UGT2B7: variants seen among roughly 807,000 people sequenced by gnomAD.
UGT2B7 encodes UDP glucuronosyltransferase family 2 member B7, also known as UDP-glucuronosyltransferase 2B7.
A neutral mutation model predicts 51.9 loss-of-function variants in UGT2B7; 51 were observed. The ratio of observed to expected loss-of-function variants is 0.98; its 90% CI spans 0.78 to 1.24. UGT2B7 has a LOEUF of 1.24. Ranked by LOEUF, UGT2B7 falls within the 50% of genes most tolerant of loss-of-function variation. UGT2B7 has a pLI of 0.00. For missense variants in UGT2B7, 727 were observed against 628.4 expected (o/e 1.16, Z -1.68); for synonymous variants, 225 against 211.6 (o/e 1.06, Z -0.55).
chr4:69,088,076 T>G (rs1719001393), intron 1 of UGT2B7, among the ~76,000 whole-genome samples: 1 of 152,020 alleles, frequency 6.6e-6, no homozygotes, highest in South Asian at 2.1e-4. Context: ...GAGGTAGTTT[T>G]CTTAATAATG....
At chr4:69,103,473 C>T (rs1719493065) in intron 3 of UGT2B7, among the ~76,000 whole-genome samples, 2 of 152,104 alleles carry the variant, frequency 1.3e-5, no homozygotes, top group African/African-American at 4.8e-5. Context: ...TTGAGACCCA[C>T]AGTTATTTTT....
rs1210526766 is a variant in UGT2B7, at chr4:69,102,888, G to A, written c.952G>A (p.Glu318Lys). Residue 318 changes from glutamate (E) to lysine (K), a missense_variant, in exon 3 of 6, where the codon GAA (glutamate) becomes AAA (lysine). By Grantham distance (56) the Glu-to-Lys change is moderately conservative. Transcript: ENST00000305231. ...SLGSMVSNMTEERANVIASAL... is the reference protein window; with the variant it reads ...SLGSMVSNMTKERANVIASAL... ...GGGGTCAATGGTCAGTAACATGACA[G>A]AAGAAAGGGCCAACGTAATTGCATC... The A allele has an allele frequency of 6.2e-7, 1 of 1,613,674 alleles. No homozygotes were observed. The highest frequency in any genetic ancestry group is 1.7e-5 in the Admixed American group (1 of 59,974).
chr4:69,112,414 T>A, intron 5 of UGT2B7, 43 bp from the exon 6 acceptor site: 1 of 1,588,810 alleles, frequency 6.3e-7, no homozygotes, highest in Non-Finnish European at 8.6e-7. Context: ...GTTTTGTCTG[T>A]AACTCTTCCT....
intron 3 of UGT2B7, among the ~76,000 whole-genome samples, chr4:69,104,994 C>A (rs892776947): frequency 9.2e-5 from 14 of 152,100 alleles, no homozygotes; most frequent in Admixed American, 6.6e-5. Flanking sequence ...TCCCAAGTAC[C>A]CACATAGCCA....
Position 69,051,972 on chromosome 4 carries a change from G to A in UGT2B7, c.-159+370G>A, listed in dbSNP as rs144323043. On this transcript the variant is annotated intron_variant, in intron 1 of 5. Coordinates refer to the UGT2B7 transcript ENST00000502942. ...TTGTTTTGTGGTGTGTGTGTGGTGT[G>A]AGCGTGGTGTTTTGCCTCGAAAAAA... 9.5e-4 allele frequency among the ~76,000 whole-genome samples: 145 copies of A among 152,284 alleles called. 1 individual carries two copies. The highest frequency in any genetic ancestry group is 3.3e-3 in the African/African-American group (139 of 41,548).
rs769691353 is a variant in UGT2B7 at position 69,096,759 on chromosome 4, CT to C, written c.242del (p.Leu81Ter). On this transcript the variant is annotated frameshift_variant, in exon 1 of 6. Coordinates refer to ENST00000305231, the MANE Select transcript of UGT2B7 (RefSeq NM_001074.4). LOFTEE classifies it high-confidence loss of function. ...SALKIEIYPT[S>X]LTKTELENFI... is the part of the protein sequence containing the mutation. ...CTTAAAATTGAAATTTATCCCACAT[CT>C]TTAACTAAAACTGAGTTGGAGAATT... 1 of 1,613,972 alleles carries C rather than the reference CT, an allele frequency of 6.2e-7. No homozygotes were observed. The highest frequency in any genetic ancestry group is 1.1e-5 in the South Asian group (1 of 91,086).
At chr4:69,072,747 T>G (rs1183165033) in intron 1 of UGT2B7, among the ~76,000 whole-genome samples, 1 of 152,150 alleles carries the variant, frequency 6.6e-6, no homozygotes, top group South Asian at 2.1e-4. Flanking sequence ...TGATGAAGCT[T>G]AACATTCAAC....
chr4:69,098,461 A>G, intron 1 of UGT2B7, 79 bp from the exon 2 acceptor site: 2 of 1,529,660 alleles, frequency 1.3e-6, no homozygotes, highest in Non-Finnish European at 1.8e-6. Context: ...TTTTGCCTAC[A>G]TTATTCTAAC....
intron 1 of UGT2B7, among the ~76,000 whole-genome samples, chr4:69,088,781 T>C (rs1457138743): frequency 2.0e-5 from 3 of 152,092 alleles, no homozygotes; most frequent in East Asian, 1.9e-4. Flanking sequence ...TTCAACTCTA[T>C]AGCCACTCCT....
intron 1 of UGT2B7, among the ~76,000 whole-genome samples, chr4:69,097,864 T>A (rs539237673): frequency 8.2e-4 from 125 of 152,182 alleles, no homozygotes; most frequent in African/African-American, 2.8e-3. Context: ...GGTTGTTATA[T>A]CTACATAGTT....
chr4:69,098,395 A>G, intron 1 of UGT2B7, 145 bp from the exon 2 acceptor site: 1 of 799,342 alleles, frequency 1.3e-6, no homozygotes, highest in Non-Finnish European at 1.8e-6. Context: ...AAATTAAATT[A>G]TATCTATATA....
intron 1 of UGT2B7, among the ~76,000 whole-genome samples, chr4:69,067,104 T>C (rs1452708901): frequency 6.6e-6 from 1 of 152,082 alleles, no homozygotes; most frequent in Non-Finnish European, 1.5e-5. Flanking sequence ...TAATGGGAAA[T>C]GGGTGACACA....
chr4:69,104,057 G>C lies in UGT2B7; in HGVS notation c.1002+1119G>C, dbSNP rs191939380. Among the ~76,000 whole-genome samples the C allele has an allele frequency of 6.2e-4, 94 of 152,214 alleles. 1 individual carries two copies. The highest frequency in any genetic ancestry group is 3.3e-3 in the South Asian group (16 of 4,822). On this transcript the variant is annotated intron_variant, in intron 3 of 5. Coordinates refer to ENST00000305231, the MANE Select transcript of UGT2B7 (RefSeq NM_001074.4). ...TAATCCCAGTATTTTCGGAGGCCGAGGCAGGCGAATCACGAGGTCAGAAGT... is the reference window on the plus strand; with the variant it reads ...TAATCCCAGTATTTTCGGAGGCCGACGCAGGCGAATCACGAGGTCAGAAGT...
chr4:69,107,316 T>C, intron 4 of UGT2B7, 54 bp downstream of exon 4: 2 of 1,507,948 alleles, frequency 1.3e-6, no homozygotes, highest in East Asian at 4.6e-5. Context: ...CATTAGAGTG[T>C]TAATAGTTCA....
chr4:69,086,672 A>G (rs1009260413), intron 1 of UGT2B7, among the ~76,000 whole-genome samples: 1 of 151,926 alleles, frequency 6.6e-6, no homozygotes, highest in Admixed American at 6.6e-5. Flanking sequence ...TTATGACCAT[A>G]TATATTTACA....
chr4:69,054,936 A>G (rs1718142661), intron 1 of UGT2B7, among the ~76,000 whole-genome samples: 1 of 151,966 alleles, frequency 6.6e-6, no homozygotes, highest in African/African-American at 2.4e-5. Flanking sequence ...TATAGTTATT[A>G]TGAATGCCTA....
At chr4:69,063,037 A>G (rs1000492181) in intron 1 of UGT2B7, among the ~76,000 whole-genome samples, 1 of 152,150 alleles carries the variant, frequency 6.6e-6, no homozygotes, top group African/African-American at 2.4e-5. Context: ...TACATGGATA[A>G]GAAACACAGT....
chr4:69,087,570 C>A (rs758880983), intron 1 of UGT2B7, among the ~76,000 whole-genome samples: 1 of 151,872 alleles, frequency 6.6e-6, no homozygotes, highest in Non-Finnish European at 1.5e-5. Context: ...ATGTGAGTGT[C>A]CTTTTCTTTC....
intron 1 of UGT2B7, 33 bp from the exon 2 acceptor site, chr4:69,098,502 CTTGTG>C: frequency 6.4e-7 from 1 of 1,566,178 alleles, no homozygotes; most frequent in Non-Finnish European, 8.6e-7. Flanking sequence ...AAGTAATTAT[CTTGTG>C]TCATCCACCT....
Sources: allele counts gnomAD v4.1 joint callset (sites outside exome capture counted in the v4.1 genomes callset), GRCh38; gene constraint gnomAD v4.1.1; transcripts MANE v1.5; gene names NCBI Gene and HGNC (gene_info 2026-07-23, HGNC 2026-07-21).